Variants in PTPRD observed in about 807,000 individuals in gnomAD.
The protein encoded by PTPRD is protein tyrosine phosphatase receptor type D.
In PTPRD, 34 loss-of-function variants were observed where a neutral mutation model predicts 214.5. That is an observed-to-expected ratio of 0.16 (90% confidence interval 0.12 to 0.21). The LOEUF (loss-of-function observed/expected upper bound fraction) is 0.21. Ranked by LOEUF, PTPRD falls within the 10% of genes least tolerant of loss-of-function variation. The pLI, the probability that PTPRD is intolerant of heterozygous loss-of-function variation, is 1.00. For missense variants in PTPRD, 2,545 were observed against 2,398.7 expected (o/e 1.06, Z -1.27); for synonymous variants, 1,128 against 845.7 (o/e 1.33, Z -5.79).
chr9:8,966,324 G>T (rs1352949355), intron 11 of PTPRD, among the ~76,000 whole-genome samples: 2 of 151,534 alleles, frequency 1.3e-5, no homozygotes, highest in Admixed American at 6.6e-5. Flanking sequence ...CAAACCAAAG[G>T]CATCTCATTA....
At chr9:8,731,678 A>G (rs181540656) in intron 12 of PTPRD, among the ~76,000 whole-genome samples, 10 of 152,358 alleles carry the variant, frequency 6.6e-5, no homozygotes, top group Admixed American at 2.6e-4. Context: ...GTGCTTTCAC[A>G]AACCACAGGT....
At chr9:9,988,367 G>C (rs1324742358) in intron 4 of PTPRD, among the ~76,000 whole-genome samples, 1 of 152,056 alleles carries the variant, frequency 6.6e-6, no homozygotes, top group Admixed American at 6.6e-5. Flanking sequence ...TGTTTATTAT[G>C]AATGCCAACT....
chr9:10,153,498 ATT>A (rs2099074566), intron 3 of PTPRD, among the ~76,000 whole-genome samples: 1 of 150,402 alleles, frequency 6.6e-6, no homozygotes, highest in Non-Finnish European at 1.5e-5. Context: ...TATTTATACA[ATT>A]TTTATATATT....
intron 5 of PTPRD, among the ~76,000 whole-genome samples, chr9:9,809,342 A>G (rs1303991212): frequency 1.4e-5 from 2 of 139,828 alleles, no homozygotes; most frequent in East Asian, 4.2e-4. Flanking sequence ...ATCTCGGCTC[A>G]CTGCAAGTTC....
intron 11 of PTPRD, among the ~76,000 whole-genome samples, chr9:8,788,803 CAACT>C (rs565676166): frequency 6.0e-4 from 92 of 152,212 alleles, no homozygotes; most frequent in African/African-American, 2.0e-3. Context: ...ATTTATCAAC[CAACT>C]GTTTACTCAG....
At chr9:9,526,641 A>G (rs2074193241) in intron 8 of PTPRD, among the ~76,000 whole-genome samples, 1 of 152,186 alleles carries the variant, frequency 6.6e-6, no homozygotes, top group Non-Finnish European at 1.5e-5. Flanking sequence ...TTAAATTAGT[A>G]AAGATCTGAT....
In PTPRD at chr9:9,154,806, T is replaced by C. The variant is rs138652395; in HGVS notation, c.-143+28498A>G. Among the ~76,000 whole-genome samples, 307 of 152,290 alleles carry C rather than the reference T, an allele frequency of 2.0e-3. 1 individual carries two copies. Among genetic ancestry groups the C allele is most frequent in the African/African-American group, 6.8e-3 (282 of 41,560 alleles). ...AATGACAAAAACCACTTTTTGTTTA[T>C]GTGGCCTTTTAAAAAAATCATTTCC... On this transcript the variant is annotated intron_variant, in intron 10 of 45. Coordinates refer to ENST00000381196, the MANE Select transcript of PTPRD (RefSeq NM_002839.4).
rs568290490 is a variant in PTPRD at position 9,021,332 on chromosome 9, G to A, written c.-142-2597C>T. 1.8e-3 allele frequency among the ~76,000 whole-genome samples: 267 copies of A among 152,144 alleles called. 3 individuals carry two copies. Among genetic ancestry groups the A allele is most frequent in the African/African-American group, 6.1e-3 (253 of 41,530 alleles). Reference sequence around the variant, plus strand: ...AGCTGTTGTAATGTTATAGCACAGTGCATTACTCATAGCACATACAATTAT... The same window carrying A: ...AGCTGTTGTAATGTTATAGCACAGTACATTACTCATAGCACATACAATTAT... On this transcript the variant is annotated intron_variant, in intron 10 of 45. Coordinates refer to ENST00000381196, the MANE Select transcript of PTPRD (RefSeq NM_002839.4).
intron 8 of PTPRD, among the ~76,000 whole-genome samples, chr9:9,474,837 T>G (rs1342863758): frequency 6.6e-6 from 1 of 152,034 alleles, no homozygotes; most frequent in Non-Finnish European, 1.5e-5. Context: ...TTTGTTGGAG[T>G]TTTTATAGAT....
chr9:10,610,150 G>C (rs901645088), intron 2 of PTPRD, among the ~76,000 whole-genome samples: 3 of 152,084 alleles, frequency 2.0e-5, no homozygotes, highest in Non-Finnish European at 2.9e-5. Flanking sequence ...ACAGGACAGA[G>C]AGCTGGTGGC....
intron 8 of PTPRD, among the ~76,000 whole-genome samples, chr9:9,479,347 G>GCACACACACACACA (rs5896339): frequency 1.3e-4 from 19 of 146,786 alleles, no homozygotes; most frequent in Middle Eastern, 3.5e-3. Context: ...GAAAACTGAT[G>GCACACACACACACA]CACACACACA....
chr9:9,776,610 C>T (rs952236466), intron 5 of PTPRD, among the ~76,000 whole-genome samples: 27 of 152,068 alleles, frequency 1.8e-4, no homozygotes, highest in Admixed American at 1.5e-3. Flanking sequence ...ATCCAAAATA[C>T]GATCTACTCC....
chr9:9,499,014 G>A (rs1205959862), intron 8 of PTPRD, among the ~76,000 whole-genome samples: 1 of 151,392 alleles, frequency 6.6e-6, no homozygotes, highest in Non-Finnish European at 1.5e-5. Flanking sequence ...TTTATCAATT[G>A]TTTCTCTGTC....
At chr9:9,341,098 AAT>A (rs1190003112) in intron 9 of PTPRD, among the ~76,000 whole-genome samples, 7 of 150,376 alleles carry the variant, frequency 4.7e-5, no homozygotes, top group Non-Finnish European at 1.0e-4. Flanking sequence ...AGAAAGGAAA[AAT>A]AAAATTGTAG....
chr9:8,777,891 C>G (rs1313223514), intron 11 of PTPRD, among the ~76,000 whole-genome samples: 1 of 152,144 alleles, frequency 6.6e-6, no homozygotes, highest in Non-Finnish European at 1.5e-5. Flanking sequence ...TCCTACAACC[C>G]ACCATGAAAA....
chr9:9,239,815 C>T (rs2099969453), intron 9 of PTPRD, among the ~76,000 whole-genome samples: 1 of 152,160 alleles, frequency 6.6e-6, no homozygotes, highest in Admixed American at 6.6e-5. Context: ...GCTGTCTGAC[C>T]TCTATCCTTT....
At chr9:9,250,711 G>A (rs2099975123) in intron 9 of PTPRD, among the ~76,000 whole-genome samples, 1 of 151,850 alleles carries the variant, frequency 6.6e-6, no homozygotes, top group Non-Finnish European at 1.5e-5. Context: ...CTCTGCAATT[G>A]GGGAAATGGC....
intron 5 of PTPRD, among the ~76,000 whole-genome samples, chr9:9,781,011 G>C (rs925679536): frequency 6.6e-6 from 1 of 152,170 alleles, no homozygotes; most frequent in Admixed American, 6.5e-5. Flanking sequence ...ATCAGTGATG[G>C]CCAGGGGTTG....
intron 14 of PTPRD, among the ~76,000 whole-genome samples, chr9:8,549,668 G>A (rs1050103483): frequency 3.4e-4 from 52 of 152,146 alleles, no homozygotes; most frequent in African/African-American, 1.2e-3. Context: ...ACTTTGAGAG[G>A]GGAGATGAAG....
Sources: allele counts gnomAD v4.1 joint callset (sites outside exome capture counted in the v4.1 genomes callset), GRCh38; gene constraint gnomAD v4.1.1; transcripts MANE v1.5; gene names NCBI Gene and HGNC (gene_info 2026-07-23, HGNC 2026-07-21).